Variants in RBFOX1 observed in about 807,000 individuals in gnomAD.
RBFOX1 encodes the protein RNA binding protein fox-1 homolog 1.
In RBFOX1, 8 loss-of-function variants were observed where a neutral mutation model predicts 57.7. The observed-to-expected ratio is 0.14, with a 90% CI of 0.08 to 0.25. The LOEUF is 0.25. RBFOX1 is among the 10% of genes least tolerant of loss of function. The pLI is 1.00. For synonymous variants in RBFOX1, 326 were observed against 222.4 expected (o/e 1.47, Z -4.15); for missense variants, 611 against 548.5 (o/e 1.11, Z -1.14).
At chr16:6,994,150 T>C (rs1568275319) in intron 3 of RBFOX1, among the ~76,000 whole-genome samples, 1 of 152,076 alleles carries the variant, frequency 6.6e-6, no homozygotes, top group Non-Finnish European at 1.5e-5. Context: ...GCTTGGGGTA[T>C]TGGCGGGATC....
chr16:7,579,902 C>T lies in RBFOX1; in HGVS notation c.396C>T (p.Asp132=). The T allele has an allele frequency of 6.2e-7, 1 of 1,614,100 alleles. No individual in the cohort carries two copies. Among genetic ancestry groups the T allele is most frequent in the Non-Finnish European group, 8.5e-7 (1 of 1,179,960 alleles). ...TCCCCTTCAGGTTCCGGGATCCGGA[C>T]CTCAGACAAATGTTTGGTGTAAGTA... ...SNIPFRFRDP[D]LRQMFGQFGK... Residue 132 remains aspartate, a synonymous_variant, in exon 6 of 16, where the codon GAC becomes GAT. Coordinates refer to ENST00000550418, the MANE Select transcript of RBFOX1 (RefSeq NM_018723.4).
chr16:5,276,310 T>C (rs1435338785), intron 1 of RBFOX1, among the ~76,000 whole-genome samples: 2 of 152,078 alleles, frequency 1.3e-5, no homozygotes, highest in Non-Finnish European at 2.9e-5. Flanking sequence ...GTCCAGAATC[T>C]ACAGGGAACT....
intron 4 of RBFOX1, among the ~76,000 whole-genome samples, chr16:7,504,773 A>ATATATATATATATT (rs1567554975): frequency 0.013 from 121 of 9,338 alleles, 8 homozygotes; most frequent in African/African-American, 0.024. Context: ...ATATATATTT[A>ATATATATATATATT]TATATATATA....
intron 6 of RBFOX1, among the ~76,000 whole-genome samples, chr16:7,581,741 A>C (rs1321899434): frequency 6.6e-6 from 1 of 152,086 alleles, no homozygotes; most frequent in Non-Finnish European, 1.5e-5. Context: ...TAAAAAGACA[A>C]GTTCTCACTC....
chr16:6,940,015 G>C (rs944559446), intron 3 of RBFOX1, among the ~76,000 whole-genome samples: 1 of 152,150 alleles, frequency 6.6e-6, no homozygotes, highest in Non-Finnish European at 1.5e-5. Flanking sequence ...AAAAGGCACA[G>C]GTCAGCCTGG....
At chr16:5,554,787 A>G (rs1186214434) in intron 2 of RBFOX1, among the ~76,000 whole-genome samples, 1 of 152,216 alleles carries the variant, frequency 6.6e-6, no homozygotes, top group African/African-American at 2.4e-5. Context: ...CTGGTGGATG[A>G]TGGATTTGAC....
intron 4 of RBFOX1, among the ~76,000 whole-genome samples, chr16:7,373,567 C>G (rs556991430): frequency 1.3e-5 from 2 of 152,192 alleles, no homozygotes; most frequent in East Asian, 3.9e-4. Context: ...CCCGGGCAAG[C>G]CTTTATCTTT....
intron 5 of RBFOX1, among the ~76,000 whole-genome samples, chr16:7,551,394 G>C (rs1251259404): frequency 6.6e-6 from 1 of 152,130 alleles, no homozygotes; most frequent in Non-Finnish European, 1.5e-5. Flanking sequence ...TGCCTTGAGA[G>C]GGTCTCTAAG....
intron 11 of RBFOX1, among the ~76,000 whole-genome samples, chr16:7,637,103 G>A (rs1365029999): frequency 6.6e-6 from 1 of 152,136 alleles, no homozygotes; most frequent in Admixed American, 6.5e-5. Flanking sequence ...TTTTCTGGAA[G>A]AAATTTCTTT....
rs180752055 is a variant in RBFOX1 at position 6,101,645 on chromosome 16, C to T, written c.-127+81653C>T. Among the ~76,000 whole-genome samples the T allele has an allele frequency of 3.7e-3, 571 of 152,274 alleles. 7 individuals carry two copies. The highest frequency in any genetic ancestry group is 0.013 in the African/African-American group (546 of 41,566). The stretch of plus-strand genomic sequence containing the variant: ...GGGATTACAGGCACTGGCCACCAGG[C>T]CCAGCGTGGCTCATACCTGTAATCC... On this transcript the variant is annotated intron_variant, in intron 1 of 15. Coordinates refer to ENST00000550418, the MANE Select transcript of RBFOX1 (RefSeq NM_018723.4).
chr16:5,480,122 G>T lies in RBFOX1; in HGVS notation c.258+12868G>T, dbSNP rs1216957884. On this transcript the variant is annotated intron_variant, in intron 2 of 2. Coordinates refer to the RBFOX1 transcript ENST00000585867. ...AAGTGGGAGGTCTCCTCCGCAGAGA[G>T]GGAAGCTATCTCAGATTCACAGAAT... Among the ~76,000 whole-genome samples the T allele has an allele frequency of 2.6e-5, 4 of 152,310 alleles. No individual in the cohort carries two copies. In the East Asian group the frequency reaches 7.7e-4, roughly 29 times the overall value.
intron 1 of RBFOX1, among the ~76,000 whole-genome samples, chr16:5,396,085 C>T (rs2066545130): frequency 6.6e-6 from 1 of 152,156 alleles, no homozygotes; most frequent in South Asian, 2.1e-4. Flanking sequence ...TGTGAGATAA[C>T]AAATGTGTGT....
intron 11 of RBFOX1, among the ~76,000 whole-genome samples, chr16:7,644,877 G>C (rs192772725): frequency 1.7e-3 from 254 of 152,304 alleles, no homozygotes; most frequent in Middle Eastern, 3.4e-3. Context: ...AGGGAGCGAT[G>C]TTTGAACTGA....
intron 3 of RBFOX1, among the ~76,000 whole-genome samples, chr16:5,740,196 G>A (rs1190464427): frequency 1.3e-5 from 2 of 152,128 alleles, no homozygotes; most frequent in African/African-American, 4.8e-5. Flanking sequence ...CCATCTGGGG[G>A]CTCCCTGAGG....
At chr16:6,961,169 G>C (rs575476177) in intron 3 of RBFOX1, among the ~76,000 whole-genome samples, 4 of 39,898 alleles carry the variant, frequency 1.0e-4, no homozygotes, top group East Asian at 1.3e-3. Context: ...ACACGCAAAA[G>C]AAAGAAAGAA....
At chr16:5,341,701 C>G (rs1175498373) in intron 1 of RBFOX1, among the ~76,000 whole-genome samples, 1 of 152,148 alleles carries the variant, frequency 6.6e-6, no homozygotes, top group Non-Finnish European at 1.5e-5. Context: ...TCATTTTGCC[C>G]TAGGTCCATG....
chr16:6,471,198 G>A (rs1287170939), intron 2 of RBFOX1, among the ~76,000 whole-genome samples: 3 of 152,194 alleles, frequency 2.0e-5, no homozygotes, highest in South Asian at 4.2e-4. Flanking sequence ...GTTTCCTATG[G>A]TTTGAATGCC....
intron 4 of RBFOX1, among the ~76,000 whole-genome samples, chr16:7,090,357 T>G (rs918706414): frequency 5.9e-5 from 9 of 152,178 alleles, no homozygotes; most frequent in Non-Finnish European, 1.3e-4. Flanking sequence ...GATGGAAAAC[T>G]TTTTGCTGGG....
chr16:7,145,845 A>G (rs532146331), intron 4 of RBFOX1, among the ~76,000 whole-genome samples: 2 of 152,004 alleles, frequency 1.3e-5, no homozygotes, highest in Non-Finnish European at 2.9e-5. Flanking sequence ...GCTCCTCCAT[A>G]TGGCCAGTCC....
Sources: gnomAD v4.1 joint callset for allele counts (sites outside exome capture counted in the v4.1 genomes callset) on GRCh38, gnomAD v4.1.1 for gene constraint, MANE v1.5 for transcripts, NCBI Gene and HGNC (gene_info 2026-07-23, HGNC 2026-07-21) for gene names.